Variants in RIT2 observed in about 807,000 individuals in gnomAD.
RIT2 encodes GTP-binding protein Rit2.
RIT2 carries 24 observed loss-of-function variants against 23.7 expected under a neutral mutation model. The observed-to-expected ratio is 1.01, with a 90% CI of 0.73 to 1.43. The LOEUF is 1.43. Among genes scored for constraint, RIT2 ranks in the 40% most tolerant of loss-of-function variants. RIT2 has a pLI of 0.00. For synonymous variants in RIT2, 107 were observed against 91.1 expected (o/e 1.17, Z -0.99); for missense variants, 236 against 266.9 (o/e 0.88, Z 0.81).
At chr18:42,996,288 C>A (rs1910981751) in intron 2 of RIT2, among the ~76,000 whole-genome samples, 1 of 152,048 alleles carries the variant, frequency 6.6e-6, no homozygotes, top group African/African-American at 2.4e-5. Context: ...TCAAAGCAGC[C>A]CTGAGAAACA....
chr18:42,901,454 G>A (rs613538), intron 4 of RIT2, among the ~76,000 whole-genome samples: 138,196 of 152,006 alleles, frequency 0.91, 63,006 homozygotes, highest in East Asian at 1. Flanking sequence ...GGAACTGACA[G>A]CACTTGTGGC....
At chr18:42,838,401 GA>G (rs1222654087) in intron 4 of RIT2, among the ~76,000 whole-genome samples, 3 of 151,916 alleles carry the variant, frequency 2.0e-5, no homozygotes, top group African/African-American at 7.3e-5. Flanking sequence ...ATAACTTCTA[GA>G]AGTTCTTCTT....
At chr18:42,830,301 T>C (rs1906420650) in intron 4 of RIT2, among the ~76,000 whole-genome samples, 1 of 152,186 alleles carries the variant, frequency 6.6e-6, no homozygotes, top group Non-Finnish European at 1.5e-5. Context: ...CATCAACAAC[T>C]CAATTTGGTG....
chr18:42,849,119 C>A (rs752766205), intron 4 of RIT2, among the ~76,000 whole-genome samples: 1 of 152,146 alleles, frequency 6.6e-6, no homozygotes, highest in Non-Finnish European at 1.5e-5. Context: ...AGTCACATAG[C>A]CACAGGACAT....
intron 2 of RIT2, among the ~76,000 whole-genome samples, chr18:42,984,510 C>G (rs1460302170): frequency 6.6e-6 from 1 of 151,864 alleles, no homozygotes; most frequent in Non-Finnish European, 1.5e-5. Flanking sequence ...TGTGACACTT[C>G]GTTACAATTT....
intron 4 of RIT2, among the ~76,000 whole-genome samples, chr18:42,887,202 G>A (rs1176721303): frequency 6.6e-6 from 1 of 152,068 alleles, no homozygotes; most frequent in African/African-American, 2.4e-5. Flanking sequence ...CCAATTGTAG[G>A]AGTTATTCAG....
At position 42,902,731 on chromosome 18, in the gene RIT2, G is replaced by C. The variant is rs8088759; in HGVS notation, c.426+20841C>G. Among the ~76,000 whole-genome samples, 1,431 of 151,500 alleles carry C rather than the reference G, an allele frequency of 9.4e-3. 36 individuals carry two copies. Among genetic ancestry groups the C allele is most frequent in the African/African-American group, 0.033 (1,364 of 41,402 alleles). On this transcript the variant is annotated intron_variant, in intron 4 of 4. Transcript: ENST00000326695. The stretch of plus-strand genomic sequence containing the variant: ...GGTTAACTTAATAGAAATATAAACT[G>C]TAACTTCCAAACAATAAGAGAGTTA...
intron 1 of RIT2, among the ~76,000 whole-genome samples, chr18:43,072,853 C>T (rs1490500352): frequency 6.6e-6 from 1 of 152,150 alleles, no homozygotes; most frequent in Non-Finnish European, 1.5e-5. Context: ...CATTCTATTT[C>T]TCTGTTATTC....
At chr18:43,000,850 T>G (rs1200551763) in intron 2 of RIT2, among the ~76,000 whole-genome samples, 1 of 152,006 alleles carries the variant, frequency 6.6e-6, no homozygotes, top group Non-Finnish European at 1.5e-5. Context: ...CAGTCTCAGG[T>G]ATTTCTTTAT....
chr18:43,066,515 A>G (rs961787060), intron 1 of RIT2, among the ~76,000 whole-genome samples: 2 of 152,206 alleles, frequency 1.3e-5, no homozygotes, highest in East Asian at 1.9e-4. Context: ...TCATTAAACT[A>G]GTCTATCAAC....
intron 1 of RIT2, among the ~76,000 whole-genome samples, chr18:43,105,614 G>T (rs570187857): frequency 6.6e-6 from 1 of 152,020 alleles, no homozygotes; most frequent in Non-Finnish European, 1.5e-5. Flanking sequence ...ATTCTCTGAG[G>T]ATATTTTAAT....
chr18:42,952,055 CA>C (rs1909863546), intron 3 of RIT2, among the ~76,000 whole-genome samples: 1 of 152,100 alleles, frequency 6.6e-6, no homozygotes, highest in South Asian at 2.1e-4. Context: ...ACAAGAACAG[CA>C]TGGGAAAGAC....
chr18:43,088,704 T>C (rs1913345543), intron 1 of RIT2, among the ~76,000 whole-genome samples: 1 of 152,158 alleles, frequency 6.6e-6, no homozygotes, highest in East Asian at 1.9e-4. Flanking sequence ...ATATTTATCA[T>C]CATTTTCATG....
At chr18:43,052,372 T>G (rs549504528) in intron 1 of RIT2, among the ~76,000 whole-genome samples, 1 of 152,254 alleles carries the variant, frequency 6.6e-6, no homozygotes, top group African/African-American at 2.4e-5. Flanking sequence ...TATATGTTTC[T>G]ATTGTGTTAT....
At chr18:42,752,664 A>G (rs190626685) in intron 4 of RIT2, among the ~76,000 whole-genome samples, 4 of 152,296 alleles carry the variant, frequency 2.6e-5, no homozygotes, top group Admixed American at 2.6e-4. Context: ...AACTTAAAAT[A>G]ATTCTTAAAT....
chr18:42,872,578 A>G (rs373227832), intron 4 of RIT2, among the ~76,000 whole-genome samples: 2 of 152,226 alleles, frequency 1.3e-5, no homozygotes, highest in African/African-American at 4.8e-5. Flanking sequence ...ATGATATCCT[A>G]CGTCAAAATA....
intron 2 of RIT2, among the ~76,000 whole-genome samples, chr18:43,013,032 A>G (rs1911386955): frequency 6.6e-6 from 1 of 151,838 alleles, no homozygotes; most frequent in African/African-American, 2.4e-5. Context: ...TGTGTCTCAG[A>G]TGCTCTTCTC....
intron 1 of RIT2, among the ~76,000 whole-genome samples, chr18:43,040,981 A>C (rs1157547008): frequency 6.6e-6 from 1 of 152,148 alleles, no homozygotes; most frequent in Non-Finnish European, 1.5e-5. Context: ...ACTTTTAAAA[A>C]TTTTTGTAGG....
At chr18:42,850,752 G>A (rs1907030965) in intron 4 of RIT2, among the ~76,000 whole-genome samples, 1 of 152,102 alleles carries the variant, frequency 6.6e-6, no homozygotes, top group African/African-American at 2.4e-5. Flanking sequence ...TAACAATGGG[G>A]TTTTCAGGGC....
Sources: allele counts gnomAD v4.1 joint callset (sites outside exome capture counted in the v4.1 genomes callset), GRCh38; gene constraint gnomAD v4.1.1; transcripts MANE v1.5; gene names NCBI Gene and HGNC (gene_info 2026-07-23, HGNC 2026-07-21).